Variants in OGG1 observed in about 807,000 individuals in gnomAD.
The protein encoded by OGG1 is 8-oxoguanine DNA glycosylase, also known as N-glycosylase/DNA lyase.
A neutral mutation model predicts 42.3 loss-of-function variants in OGG1; 35 were observed. The ratio of observed to expected loss-of-function variants is 0.83; its 90% CI spans 0.63 to 1.10. OGG1 has a LOEUF of 1.10. Among genes scored for constraint, OGG1 ranks in the 50% least tolerant of loss-of-function variants. The pLI is 0.00. For synonymous variants in OGG1, 189 were observed against 179.0 expected (o/e 1.06, Z -0.44); for missense variants, 484 against 446.7 (o/e 1.08, Z -0.75).
In OGG1 at chr3:9,750,116, G is replaced by A; in HGVS notation, c.-171G>A. On this transcript the variant is annotated 5_prime_UTR_variant, in exon 1 of 7. Transcript: ENST00000344629. ...GCGGGGCTTTGATGACCCGCAAAGG[G>A]CGAGGCATGCAGGAGGTGGAGGAAT... is the stretch of plus-strand genomic sequence containing the variant. 4 of 854,350 alleles carry A rather than the reference G, an allele frequency of 4.7e-6. No individual in the cohort carries two copies. The highest frequency in any genetic ancestry group is 7.1e-6 in the Non-Finnish European group (4 of 563,918). The allele number at this position is 854,350 out of a possible 1,614,324, so 52.9% of individuals were successfully genotyped here. A position where few individuals can be genotyped will look rare whatever the true frequency, so the allele number is the denominator to read the frequency against.
At chr3:9,766,517 G>A in exon 8 of OGG1, 1 of 415,482 alleles carries the variant, frequency 2.4e-6, no homozygotes, top group South Asian at 2.3e-5. Flanking sequence ...AAAACTTTAG[G>A]CCCTGCCCCA....
chr3:9,752,153 G>A (rs2125535158), intron 3 of OGG1: 1 of 607,864 alleles, frequency 1.6e-6, no homozygotes, highest in South Asian at 1.9e-5. Flanking sequence ...TGTGCTTTTT[G>A]CCCAATGGGT....
chr3:9,753,351 C>CAAA lies in OGG1; in HGVS notation c.566-1339_566-1337dup, dbSNP rs56205013. Reference sequence around the variant, plus strand: ...AGGGCGACAGGGCGAGACTCCGTCTCAAAAAAAAAAAAAAAACCTGGCCGG... The same window carrying CAAA: ...AGGGCGACAGGGCGAGACTCCGTCTCAAAAAAAAAAAAAAAAAAACCTGGCCGG... On this transcript the variant is annotated intron_variant, in intron 3 of 6. Coordinates refer to ENST00000344629, the MANE Select transcript of OGG1 (RefSeq NM_002542.6). Among the ~76,000 whole-genome samples the CAAA allele has an allele frequency of 3.5e-3, 253 of 73,078 alleles. 2 individuals carry two copies. The highest frequency in any genetic ancestry group is 0.012 in the African/African-American group (231 of 19,934). The allele number at this position is 73,078 out of a possible 152,430, so 47.9% of individuals were successfully genotyped here. A position where few individuals can be genotyped will look rare whatever the true frequency, so the allele number is the denominator to read the frequency against.
chr3:9,783,723 A>G (rs2078536110), intron 3 of OGG1: 1 of 236,848 alleles, frequency 4.2e-6, no homozygotes, highest in Non-Finnish European at 8.1e-6. Context: ...GCTTGCAGTG[A>G]GCCGAGATCA....
At chr3:9,781,186 C>G (rs183947032) in intron 2 of OGG1, among the ~76,000 whole-genome samples, 2 of 152,038 alleles carry the variant, frequency 1.3e-5, no homozygotes, top group Non-Finnish European at 1.5e-5. Flanking sequence ...TAGCTCATGC[C>G]TGTAATCCCA....
At chr3:9,775,367 T>A (rs974213946) in intron 2 of OGG1, among the ~76,000 whole-genome samples, 1 of 152,368 alleles carries the variant, frequency 6.6e-6, no homozygotes, top group Middle Eastern at 3.4e-3. Context: ...TTTCAATGTA[T>A]GATTCCAGTT....
chr3:9,751,748 C>T (rs936457483), intron 2 of OGG1, 22 bp from the exon 3 acceptor site: 3 of 1,612,338 alleles, frequency 1.9e-6, no homozygotes, highest in East Asian at 2.2e-5. Context: ...CCTCTCCTAC[C>T]CCCTGCATTT....
chr3:9,781,833 CTTTTTTTTTTTTT>C (rs35246642), intron 3 of OGG1, among the ~76,000 whole-genome samples: 3 of 86,892 alleles, frequency 3.5e-5, no homozygotes, highest in South Asian at 4.6e-4. Flanking sequence ...CCCATTACTT[CTTTTTTTTTTTTT>C]TTTTTTTTTT....
chr3:9,790,039 A>G, downstream of OGG1: 2 of 1,487,156 alleles, frequency 1.3e-6, no homozygotes, highest in Non-Finnish European at 8.9e-7. Context: ...TGAATAAATT[A>G]GGATCTAGAA....
In OGG1 at chr3:9,756,755, C is replaced by T; in HGVS notation, c.899-12C>T. On this transcript the variant is annotated splice_polypyrimidine_tract_variant and intron_variant, in intron 5 of 6. Coordinates refer to ENST00000344629, the MANE Select transcript of OGG1 (RefSeq NM_002542.6). ...GGGGTCAGATAACTTAGTCTCATCA[C>T]TTCTGATTTAGGAAACTTTTTCCGG... 1 of 1,614,164 alleles carries T rather than the reference C, an allele frequency of 6.2e-7. No homozygotes were observed. The highest frequency in any genetic ancestry group is 8.5e-7 in the Non-Finnish European group (1 of 1,180,018).
chr3:9,754,963 TGGGTGG>T, intron 4 of OGG1, 78 bp downstream of exon 4: 1 of 1,312,234 alleles, frequency 7.6e-7, no homozygotes, highest in Non-Finnish European at 1.1e-6. Context: ...GCCTGGGAGC[TGGGTGG>T]AGGCTTGGCT....
intron 3 of OGG1, among the ~76,000 whole-genome samples, chr3:9,752,304 T>C (rs2077339835): frequency 6.6e-6 from 1 of 152,124 alleles, no homozygotes; most frequent in Non-Finnish European, 1.5e-5. Context: ...TGTACTAAAG[T>C]TTCTTCATCT....
chr3:9,755,295 C>T (rs1180832333), intron 4 of OGG1, among the ~76,000 whole-genome samples: 6 of 152,168 alleles, frequency 3.9e-5, no homozygotes, highest in Admixed American at 2.6e-4. Flanking sequence ...AACTCTTGCC[C>T]TCAAGCAGTG....
At chr3:9,769,026 C>CA (rs2078233480), downstream of OGG1, among the ~76,000 whole-genome samples, 1 of 152,036 alleles carries the variant, frequency 6.6e-6, no homozygotes, top group African/African-American at 2.4e-5. Flanking sequence ...GCCCTGAACT[C>CA]AAACACCTGC....
chr3:9,749,980 C>G lies in OGG1; in HGVS notation c.-307C>G, dbSNP rs1302417725. 2.4e-6 allele frequency: 1 copy of G among 424,740 alleles called. No homozygotes were observed. The highest frequency in any genetic ancestry group is 4.3e-6 in the Non-Finnish European group (1 of 232,922). 26.3% of individuals were successfully genotyped at this position (424,740 alleles called of 1,614,324 possible). On this transcript the variant is annotated 5_prime_UTR_variant, in exon 1 of 7. Coordinates refer to ENST00000344629, the MANE Select transcript of OGG1 (RefSeq NM_002542.6). ...GGTGCTGTGGTCTGCCCCTGGAGAA[C>G]CCAGAAGAACACAGCTGTGCGCGCC...
chr3:9,761,471 C>T (rs748209976), downstream of OGG1: 12 of 1,611,674 alleles, frequency 7.4e-6, no homozygotes, highest in Non-Finnish European at 1.0e-5. Context: ...AAGATGTAGG[C>T]GATGACACCT....
downstream of OGG1, chr3:9,759,894 G>T: frequency 7.2e-7 from 1 of 1,395,736 alleles, no homozygotes; most frequent in Non-Finnish European, 9.8e-7. Context: ...CCCAACCTAT[G>T]CTCTTCTTCA....
At chr3:9,755,582 G>T (rs2077505986) in intron 4 of OGG1, among the ~76,000 whole-genome samples, 1 of 151,124 alleles carries the variant, frequency 6.6e-6, no homozygotes, top group Non-Finnish European at 1.5e-5. Context: ...TCCTGCCTCA[G>T]CCTCCAGATT....
chr3:9,776,065 A>C (rs2125608387), intron 2 of OGG1, among the ~76,000 whole-genome samples: 1 of 152,280 alleles, frequency 6.6e-6, no homozygotes, highest in South Asian at 2.1e-4. Context: ...CTAGAGAATA[A>C]AGTCCATGCT....
Sources: gnomAD v4.1 joint callset for allele counts (sites outside exome capture counted in the v4.1 genomes callset) on GRCh38, gnomAD v4.1.1 for gene constraint, MANE v1.5 for transcripts, NCBI Gene and HGNC (gene_info 2026-07-23, HGNC 2026-07-21) for gene names.